The following RASAL2 variants were observed in gnomAD, a reference collection of about 807,000 sequenced individuals.
RASAL2 encodes the protein RAS protein activator like 2, also known as ras GTPase-activating protein nGAP.
Under a neutral mutation model 128.9 loss-of-function variants are expected in RASAL2, and 58 were observed. That is an observed-to-expected ratio of 0.45 (90% CI 0.36 to 0.56). The LOEUF is 0.56. Among genes scored for constraint, RASAL2 ranks in the 20% least tolerant of loss-of-function variants. The probability of loss-of-function intolerance (pLI) is 0.00; values close to 1 mark genes in which losing one functional copy is unlikely to be tolerated. For missense variants in RASAL2, 1,360 were observed against 1,601.6 expected, an observed-to-expected ratio of 0.85 and a Z score of 2.57; for synonymous variants, 561 against 580.8, an observed-to-expected ratio of 0.97 and a Z score of 0.49.
chr1:178,446,936 A>G (rs912392223), intron 9 of RASAL2, among the ~76,000 whole-genome samples: 1 of 152,222 alleles, frequency 6.6e-6, no homozygotes, highest in African/African-American at 2.4e-5. Context: ...ACAAAAAGAC[A>G]TAGAGGTGGG....
chr1:178,366,595 C>CAA (rs1553221498), intron 3 of RASAL2, among the ~76,000 whole-genome samples: 1 of 109,272 alleles, frequency 9.2e-6, no homozygotes, highest in Non-Finnish European at 1.8e-5. Context: ...CCCCCCCCGC[C>CAA]AAAAAAAAAC....
chr1:178,201,209 G>T (rs78385373), intron 1 of RASAL2, among the ~76,000 whole-genome samples: 2 of 151,966 alleles, frequency 1.3e-5, no homozygotes, highest in Non-Finnish European at 2.9e-5. Flanking sequence ...ATCAATTTGG[G>T]CCCCCTAAGT....
intron 1 of RASAL2, among the ~76,000 whole-genome samples, chr1:178,219,590 A>G (rs1282502512): frequency 6.6e-6 from 1 of 151,460 alleles, no homozygotes; most frequent in Non-Finnish European, 1.5e-5. Context: ...TGATCGCGCC[A>G]TAGCACTCTA....
intron 4 of RASAL2, among the ~76,000 whole-genome samples, chr1:178,393,991 C>T (rs1271971690): frequency 6.6e-6 from 1 of 152,090 alleles, no homozygotes; most frequent in East Asian, 1.9e-4. Context: ...GGGATAAGAG[C>T]AGAATGGATG....
At chr1:178,272,193 G>A (rs1017087795) in intron 1 of RASAL2, among the ~76,000 whole-genome samples, 4 of 151,998 alleles carry the variant, frequency 2.6e-5, no homozygotes, top group African/African-American at 4.8e-5. Flanking sequence ...GTTATATCCC[G>A]AGGCTTGAGT....
intron 1 of RASAL2, among the ~76,000 whole-genome samples, chr1:178,100,268 C>A (rs1658841740): frequency 6.6e-6 from 1 of 151,788 alleles, no homozygotes; most frequent in African/African-American, 2.4e-5. Context: ...ATAATTCCAG[C>A]ACTTTAGGAG....
At chr1:178,461,426 C>T (rs564582230) in intron 14 of RASAL2, among the ~76,000 whole-genome samples, 5 of 152,248 alleles carry the variant, frequency 3.3e-5, no homozygotes, top group Non-Finnish European at 7.4e-5. Context: ...AAATAAAATC[C>T]TGGTGAAAAA....
chr1:178,397,804 G>A (rs1307902241), intron 4 of RASAL2, among the ~76,000 whole-genome samples: 1 of 150,888 alleles, frequency 6.6e-6, no homozygotes, highest in Non-Finnish European at 1.5e-5. Flanking sequence ...TTGGAGAGAT[G>A]GGATCTTGCT....
intron 1 of RASAL2, among the ~76,000 whole-genome samples, chr1:178,200,955 C>A (rs187035134): frequency 1.3e-5 from 2 of 152,252 alleles, no homozygotes; most frequent in East Asian, 3.9e-4. Context: ...CGGTGCCTGG[C>A]AAGACACCCA....
At chr1:178,387,483 C>T (rs1280181041) in intron 3 of RASAL2, among the ~76,000 whole-genome samples, 6 of 152,002 alleles carry the variant, frequency 3.9e-5, no homozygotes, top group African/African-American at 1.2e-4. Flanking sequence ...ATTAATTCAT[C>T]ATTTAGCATT....
intron 3 of RASAL2, among the ~76,000 whole-genome samples, chr1:178,322,816 T>G (rs1668855955): frequency 6.6e-6 from 1 of 152,238 alleles, no homozygotes; most frequent in Non-Finnish European, 1.5e-5. Context: ...ACAGTGACAC[T>G]AAACGTCCTA....
At chr1:178,471,194 G>A (rs375704315) in intron 17 of RASAL2, among the ~76,000 whole-genome samples, 7 of 151,992 alleles carry the variant, frequency 4.6e-5, no homozygotes, top group African/African-American at 1.7e-4. Context: ...ATTTATCCCA[G>A]TTCTGAAATA....
intron 1 of RASAL2, among the ~76,000 whole-genome samples, chr1:178,139,644 A>ATTTG (rs1660459076): frequency 6.6e-6 from 1 of 151,896 alleles, no homozygotes; most frequent in South Asian, 2.1e-4. Context: ...TTATTTATTT[A>ATTTG]TTTGTTTATT....
At chr1:178,307,101 CATT>C (rs1329992081) in intron 3 of RASAL2, among the ~76,000 whole-genome samples, 1 of 151,452 alleles carries the variant, frequency 6.6e-6, no homozygotes, top group East Asian at 1.9e-4. Flanking sequence ...GCAGTCTAAT[CATT>C]ATTTCATTTT....
chr1:178,414,722 A>C (rs1387771879), intron 4 of RASAL2, among the ~76,000 whole-genome samples: 1 of 152,170 alleles, frequency 6.6e-6, no homozygotes, highest in Non-Finnish European at 1.5e-5. Context: ...TCACCAGAGG[A>C]ACCCATCTGG....
intron 1 of RASAL2, among the ~76,000 whole-genome samples, chr1:178,230,312 T>G (rs1321560570): frequency 6.6e-6 from 1 of 152,196 alleles, no homozygotes; most frequent in Non-Finnish European, 1.5e-5. Context: ...TAAATACCTG[T>G]AAGTGGAATT....
At chr1:178,178,350 G>T (rs908094075) in intron 1 of RASAL2, among the ~76,000 whole-genome samples, 7 of 151,636 alleles carry the variant, frequency 4.6e-5, no homozygotes, top group African/African-American at 1.5e-4. Flanking sequence ...GGGGGCCAAG[G>T]TAAAAAAAAA....
At chr1:178,340,233 T>G (rs1159363266) in intron 3 of RASAL2, among the ~76,000 whole-genome samples, 1 of 152,306 alleles carries the variant, frequency 6.6e-6, no homozygotes, top group Non-Finnish European at 1.5e-5. Flanking sequence ...CATCAGCTGT[T>G]AAAAGGTAGA....
At chr1:178,119,074 G>T (rs987715567) in intron 1 of RASAL2, among the ~76,000 whole-genome samples, 1 of 152,102 alleles carries the variant, frequency 6.6e-6, no homozygotes, top group African/African-American at 2.4e-5. Context: ...CACCATGTTG[G>T]CCAGGTTGGT....
Sources: gnomAD v4.1 joint callset for allele counts (sites outside exome capture counted in the v4.1 genomes callset) on GRCh38, gnomAD v4.1.1 for gene constraint, MANE v1.5 for transcripts, NCBI Gene and HGNC (gene_info 2026-07-23, HGNC 2026-07-21) for gene names.